Variants in MMD2 observed in about 807,000 individuals in gnomAD.
MMD2 encodes monocyte to macrophage differentiation associated 2.
MMD2 carries 30 observed loss-of-function variants against 33.5 expected under a neutral mutation model. The ratio of observed to expected loss-of-function variants is 0.90; its 90% CI spans 0.67 to 1.22. MMD2 has a LOEUF of 1.22. MMD2 is among the 50% of genes most tolerant of loss of function. MMD2 has a pLI of 0.00. For missense variants in MMD2, 364 were observed against 325.4 expected (o/e 1.12, Z -0.91); for synonymous variants, 129 against 123.0 (o/e 1.05, Z -0.32).
chr7:4,893,503 T>C, the MMD2 span, among the ~76,000 whole-genome samples: 2 of 152,030 alleles, frequency 1.3e-5, no homozygotes, highest in Non-Finnish European at 2.9e-5. Context: ...GCAGTTTTCA[T>C]GCTTCAGCAT....
intron 3 of MMD2, 144 bp from the exon 4 acceptor site, chr7:4,916,223 T>C: frequency 1.5e-6 from 1 of 663,036 alleles, no homozygotes; most frequent in Non-Finnish European, 2.6e-6. Context: ...CCCTTGGCCC[T>C]CAGAATCCCC....
At chr7:4,922,012 G>C (rs563791562) in intron 2 of MMD2, among the ~76,000 whole-genome samples, 1 of 151,864 alleles carries the variant, frequency 6.6e-6, no homozygotes, top group East Asian at 1.9e-4. Flanking sequence ...GATCACCTGA[G>C]GTCAGGAGTT....
chr7:4,935,732 A>G (rs1032058661), intron 1 of MMD2, among the ~76,000 whole-genome samples: 2 of 151,580 alleles, frequency 1.3e-5, no homozygotes, highest in Admixed American at 6.6e-5. Context: ...GTGCTAGACC[A>G]TGATGCTTGG....
chr7:4,947,000 G>A lies in MMD2; in HGVS notation c.47+11971C>T, dbSNP rs137926070. On this transcript the variant is annotated intron_variant, in intron 1 of 6. Transcript: ENST00000401401. The surrounding 1 kb of genome is among the most constrained non-coding windows in gnomAD (Gnocchi z 5.0). ...AGATGGGCCGATCACCTGAGGTCAG[G>A]AGTTCAAGACCAACGTGGCCAACTT... Among the ~76,000 whole-genome samples the A allele has an allele frequency of 1.2e-3, 186 of 152,244 alleles. 1 individual carries two copies. Among genetic ancestry groups the A allele is most frequent in the Middle Eastern group, 3.4e-3 (1 of 294 alleles).
In MMD2 at chr7:4,940,229, C is replaced by T. The variant is rs1391862702; in HGVS notation, c.48-14697G>A. Among the ~76,000 whole-genome samples the T allele has an allele frequency of 6.6e-6, 1 of 152,140 alleles. No individual in the cohort carries two copies. Among genetic ancestry groups the T allele is most frequent in the Non-Finnish European group, 1.5e-5 (1 of 68,026 alleles). The stretch of plus-strand genomic sequence containing the variant: ...CCGGCACACCCCAGCTCCCCCGGCT[C>T]GCTCCTCCGAAGTCTGGCAGGAGCC... On this transcript the variant is annotated intron_variant, in intron 1 of 6. Transcript: ENST00000401401. This position sits in a 1 kb window ranked among gnomAD's most constrained non-coding sequence, Gnocchi z 5.0.
At chr7:4,937,994 C>CTTTT (rs1583388998) in intron 1 of MMD2, among the ~76,000 whole-genome samples, 19 of 71,388 alleles carry the variant, frequency 2.7e-4, no homozygotes, top group East Asian at 1.6e-3. Context: ...TTCTTTTTTT[C>CTTTT]TTTCTTTCTT....
At chr7:4,910,010 A>T (rs898339124) in intron 5 of MMD2, 60 bp from the exon 6 acceptor site, 1 of 1,613,954 alleles carries the variant, frequency 6.2e-7, no homozygotes, top group Non-Finnish European at 8.5e-7. Context: ...GAAACTGCAC[A>T]CAGCTCCCTG....
chr7:4,919,435 T>A (rs1054321699), intron 3 of MMD2, among the ~76,000 whole-genome samples: 3 of 151,282 alleles, frequency 2.0e-5, no homozygotes, highest in Admixed American at 6.6e-5. Flanking sequence ...CCAGGCATGA[T>A]GGCACACACC....
chr7:4,908,955 G>C (rs945188719), intron 6 of MMD2, among the ~76,000 whole-genome samples: 1 of 151,356 alleles, frequency 6.6e-6, no homozygotes, highest in Non-Finnish European at 1.5e-5. Context: ...GATGCAAAAA[G>C]TTCTTGAGAT....
At chr7:4,922,456 G>C (rs948609027) in intron 2 of MMD2, among the ~76,000 whole-genome samples, 5 of 151,952 alleles carry the variant, frequency 3.3e-5, no homozygotes, top group South Asian at 2.1e-4. Context: ...TGTAGTCCCA[G>C]CAAGACTCCA....
At chr7:4,917,064 C>G (rs891362396) in intron 3 of MMD2, among the ~76,000 whole-genome samples, 9 of 151,936 alleles carry the variant, frequency 5.9e-5, no homozygotes, top group Non-Finnish European at 1.5e-5. Context: ...TGAGCTAGAT[C>G]CTGTCTCAAA....
chr7:4,949,195 G>C (rs964421867), intron 1 of MMD2, among the ~76,000 whole-genome samples: 4 of 152,114 alleles, frequency 2.6e-5, no homozygotes, highest in Non-Finnish European at 5.9e-5. Flanking sequence ...GGGCAATAGA[G>C]TGAGACTCTG....
chr7:4,916,238 G>A (rs1785139865), intron 3 of MMD2, among the ~76,000 whole-genome samples, 159 bp from the exon 4 acceptor site: 1 of 151,984 alleles, frequency 6.6e-6, no homozygotes, highest in Non-Finnish European at 1.5e-5. Context: ...ATCCCCATCT[G>A]TAAGTGACCA....
chr7:4,905,453 A>G (rs185698588), downstream of MMD2, among the ~76,000 whole-genome samples: 3 of 145,946 alleles, frequency 2.1e-5, no homozygotes, highest in African/African-American at 7.5e-5. This position sits in a 1 kb window ranked among gnomAD's most constrained non-coding sequence, Gnocchi z 5.0. Flanking sequence ...AAGGAGAGGA[A>G]TGGGAGGAAG....
intron 4 of MMD2, among the ~76,000 whole-genome samples, chr7:4,915,712 C>A (rs2115096464): frequency 6.7e-6 from 1 of 148,688 alleles, no homozygotes; most frequent in Non-Finnish European, 1.5e-5. Flanking sequence ...TGCACTCTAG[C>A]CTGGGTGACA....
chr7:4,923,482 G>C lies in MMD2; in HGVS notation c.129+1969C>G, dbSNP rs140632388. Reference sequence around the variant, plus strand: ...TGTGCCTACATTGTGCCAACATGGTGCCTTCAGCAACACTCACAGCCACCC... The same window carrying C: ...TGTGCCTACATTGTGCCAACATGGTCCCTTCAGCAACACTCACAGCCACCC... On this transcript the variant is annotated intron_variant, in intron 2 of 6. Coordinates refer to ENST00000401401, the MANE Select transcript of MMD2 (RefSeq NM_198403.4). Among the ~76,000 whole-genome samples, 19 of 152,276 alleles carry C rather than the reference G, an allele frequency of 1.2e-4. No homozygotes were observed. The Middle Eastern group carries it at 0.01, about 82-fold the overall frequency.
At chr7:4,917,473 C>G (rs1366175726) in intron 3 of MMD2, among the ~76,000 whole-genome samples, 8 of 152,066 alleles carry the variant, frequency 5.3e-5, no homozygotes, top group Non-Finnish European at 1.2e-4. Context: ...ACCAGCCTGG[C>G]TAACATGGTG....
In MMD2 at chr7:4,909,680, C is replaced by T. The variant is rs749229244; in HGVS notation, c.537+201G>A. The T allele has an allele frequency of 3.0e-5, 23 of 760,556 alleles. 1 individual carries two copies. The highest frequency in any genetic ancestry group is 5.1e-5 in the Non-Finnish European group (22 of 429,098). 47.1% of individuals were successfully genotyped at this position (760,556 alleles called of 1,614,324 possible). Reference sequence around the variant, plus strand: ...CAAATCCCTGGACTCAAACTATCCTCCCACCTCAGCCTCCCAAAGGACTGG... The same window carrying T: ...CAAATCCCTGGACTCAAACTATCCTTCCACCTCAGCCTCCCAAAGGACTGG... On this transcript the variant is annotated intron_variant, in intron 6 of 6. Transcript: ENST00000401401.
intron 1 of MMD2, among the ~76,000 whole-genome samples, chr7:4,928,586 G>A (rs907485788): frequency 2.6e-5 from 4 of 151,582 alleles, no homozygotes; most frequent in Middle Eastern, 3.4e-3. Context: ...TCCATGCTAA[G>A]TATAGTTCAT....
Sources: gnomAD v4.1 joint callset for allele counts (sites outside exome capture counted in the v4.1 genomes callset) on GRCh38, gnomAD v4.1.1 for gene constraint, Gnocchi (gnomAD v3.1) non-coding constraint, MANE v1.5 for transcripts, NCBI Gene and HGNC (gene_info 2026-07-23, HGNC 2026-07-21) for gene names.